SPMIP7: variants seen among roughly 807,000 people sequenced by gnomAD.
SPMIP7 encodes sperm microtubule inner protein 7, also known as protein SPMIP7.
the SPMIP7 span, among the ~76,000 whole-genome samples, chr7:50,143,473 C>T: frequency 2.9e-3 from 447 of 152,192 alleles, 2 homozygotes; most frequent in African/African-American, 0.01. Context: ...GCCCAAAAAC[C>T]GTATTTCAGG....
the SPMIP7 span, among the ~76,000 whole-genome samples, chr7:50,147,810 C>T: frequency 1.3e-5 from 2 of 152,070 alleles, no homozygotes; most frequent in Admixed American, 1.3e-4. Flanking sequence ...TGAACAAAAT[C>T]CTGGCTTATT....
chr7:50,128,314 G>A, the SPMIP7 span, among the ~76,000 whole-genome samples: 1 of 152,002 alleles, frequency 6.6e-6, no homozygotes, highest in Admixed American at 6.6e-5. Flanking sequence ...GGCCAAGAAA[G>A]GGAGTGTGGA....
At chr7:50,100,254 A>T in the SPMIP7 span, among the ~76,000 whole-genome samples, 1 of 152,182 alleles carries the variant, frequency 6.6e-6, no homozygotes, top group Non-Finnish European at 1.5e-5. Context: ...GGAGCTAGGA[A>T]ATCTCTTCCT....
chr7:50,151,388 A>C, the SPMIP7 span: 1 of 1,293,050 alleles, frequency 7.7e-7, no homozygotes, highest in Non-Finnish European at 1.1e-6. Context: ...AGTTACCATG[A>C]CAATTTCACA....
chr7:50,096,380 G>A, the SPMIP7 span: 5 of 1,551,920 alleles, frequency 3.2e-6, no homozygotes, highest in African/African-American at 6.8e-5. Context: ...TCCACTTCGG[G>A]ATGATGTGAC....
chr7:50,158,953 C>G, the SPMIP7 span: 1 of 1,349,544 alleles, frequency 7.4e-7, no homozygotes, highest in South Asian at 1.4e-5. Flanking sequence ...CCCTCCCCTT[C>G]CCGCACAGGG....
the SPMIP7 span, among the ~76,000 whole-genome samples, chr7:50,136,831 C>G: frequency 5.3e-5 from 8 of 152,134 alleles, no homozygotes; most frequent in Non-Finnish European, 8.8e-5. Context: ...ACCCACAACA[C>G]AGGTTATCAT....
the SPMIP7 span, chr7:50,120,135 T>C: frequency 1.3e-5 from 2 of 152,330 alleles, no homozygotes; most frequent in East Asian, 3.9e-4. Context: ...TCCAAATAGC[T>C]TTCTCTGAAA....
the SPMIP7 span, among the ~76,000 whole-genome samples, chr7:50,153,628 G>T: frequency 3.5e-4 from 53 of 152,328 alleles, no homozygotes; most frequent in African/African-American, 1.2e-3. Flanking sequence ...AACCCTGTGA[G>T]GAAGGGAATG....
the SPMIP7 span, chr7:50,136,073 C>G: frequency 1.3e-6 from 2 of 1,516,692 alleles, no homozygotes; most frequent in Non-Finnish European, 1.8e-6. Flanking sequence ...CATTAACTGT[C>G]ATTGATTTTG....
chr7:50,145,032 C>T, the SPMIP7 span, among the ~76,000 whole-genome samples: 3 of 151,938 alleles, frequency 2.0e-5, no homozygotes, highest in African/African-American at 2.4e-5. Context: ...GAAGCCGAGG[C>T]GGGTGGATCA....
chr7:50,111,490 T>C, the SPMIP7 span, among the ~76,000 whole-genome samples: 1 of 152,190 alleles, frequency 6.6e-6, no homozygotes, highest in African/African-American at 2.4e-5. Flanking sequence ...TACTTTTTAC[T>C]GTACACGTGG....
chr7:50,121,743 T>A, the SPMIP7 span, among the ~76,000 whole-genome samples: 2 of 152,090 alleles, frequency 1.3e-5, no homozygotes, highest in Non-Finnish European at 2.9e-5. Context: ...AACCTCCGCC[T>A]CCCAGGTTCA....
chr7:50,137,346 T>C, the SPMIP7 span, among the ~76,000 whole-genome samples: 1,783 of 152,278 alleles, frequency 0.012, 41 homozygotes, highest in African/African-American at 0.04. Context: ...GATTCATACC[T>C]GTTGACATCT....
chr7:50,138,764 ATT>A, the SPMIP7 span, among the ~76,000 whole-genome samples: 1 of 140,188 alleles, frequency 7.1e-6, no homozygotes. Flanking sequence ...TTTAAATGGG[ATT>A]TTTTTTTTTT....
chr7:50,140,054 T>C, the SPMIP7 span: 1 of 919,294 alleles, frequency 1.1e-6, no homozygotes, highest in Non-Finnish European at 1.6e-6. Flanking sequence ...TGAAGGCTTT[T>C]GTCTTAATTA....
the SPMIP7 span, among the ~76,000 whole-genome samples, chr7:50,133,097 G>T: frequency 1.3e-5 from 2 of 152,238 alleles, no homozygotes; most frequent in South Asian, 4.1e-4. Context: ...TATCTTGTCA[G>T]AATATAGTCT....
the SPMIP7 span, chr7:50,104,378 C>T: frequency 1.7e-5 from 26 of 1,535,552 alleles, no homozygotes; most frequent in East Asian, 6.4e-4. Context: ...CATTAAGTCA[C>T]ATATTTACAT....
the SPMIP7 span, among the ~76,000 whole-genome samples, chr7:50,144,100 G>T: frequency 2.0e-5 from 3 of 152,132 alleles, no homozygotes; most frequent in Non-Finnish European, 2.9e-5. Context: ...TAAACTTATG[G>T]CTATCATTTT....
Sources: gnomAD v4.1 joint callset for allele counts (sites outside exome capture counted in the v4.1 genomes callset) on GRCh38, gnomAD v4.1.1 for gene constraint, MANE v1.5 for transcripts, NCBI Gene and HGNC (gene_info 2026-07-23, HGNC 2026-07-21) for gene names.